Variants in PHACTR1 observed in about 807,000 individuals in gnomAD.
PHACTR1 encodes the protein phosphatase and actin regulator 1, also known as RPEL repeat containing 1.
Under a neutral mutation model 69.2 loss-of-function variants are expected in PHACTR1, and 16 were observed. That is an observed-to-expected ratio of 0.23 (90% CI 0.16 to 0.35). PHACTR1 has a LOEUF of 0.35. PHACTR1 is among the 10% of genes least tolerant of loss of function. The probability of loss-of-function intolerance (pLI) is 1.00; values close to 1 mark genes in which losing one functional copy is unlikely to be tolerated. For missense variants in PHACTR1, 510 were observed against 734.7 expected, an observed-to-expected ratio of 0.69 and a Z score of 3.54; for synonymous variants, 312 against 284.5, an observed-to-expected ratio of 1.10 and a Z score of -0.97.
chr6:13,101,383 G>A lies in PHACTR1; in HGVS notation c.415+47854G>A, dbSNP rs79185100. ...CCAAGACCATTGCACTAGGGATTAA[G>A]TTCCCAACACCTGAACTTTGGGGGA... is the stretch of plus-strand genomic sequence containing the variant. On this transcript the variant is annotated intron_variant, in intron 5 of 14. Transcript: ENST00000332995. 5.9e-5 allele frequency among the ~76,000 whole-genome samples: 9 copies of A among 152,322 alleles called. No homozygotes were observed. The East Asian group carries it at 1.5e-3, about 26-fold the overall frequency.
At chr6:12,846,310 G>A (rs1779258543) in intron 4 of PHACTR1, among the ~76,000 whole-genome samples, 2 of 152,208 alleles carry the variant, frequency 1.3e-5, no homozygotes, top group South Asian at 4.1e-4. Flanking sequence ...TAACTATTCT[G>A]TAAATGGAAA....
chr6:13,089,239 C>T (rs536395210), intron 5 of PHACTR1, among the ~76,000 whole-genome samples: 1 of 152,186 alleles, frequency 6.6e-6, no homozygotes, highest in Non-Finnish European at 1.5e-5. Context: ...GGGACACTTA[C>T]CAGTACATCT....
chr6:12,912,988 C>A (rs752375311), intron 4 of PHACTR1, among the ~76,000 whole-genome samples: 2 of 152,118 alleles, frequency 1.3e-5, no homozygotes, highest in Non-Finnish European at 2.9e-5. Flanking sequence ...CTTTTAAAGC[C>A]ATCATAAATA....
intron 4 of PHACTR1, among the ~76,000 whole-genome samples, chr6:12,768,405 C>T (rs1053272516): frequency 1.3e-4 from 20 of 152,268 alleles, no homozygotes; most frequent in African/African-American, 3.6e-4. Context: ...TGAGCCACCG[C>T]GCCCGGCCCA....
chr6:12,970,754 TCAAACAAACAAG>T (rs972954465), intron 4 of PHACTR1, among the ~76,000 whole-genome samples: 11 of 152,294 alleles, frequency 7.2e-5, no homozygotes, highest in Non-Finnish European at 1.2e-4. Context: ...AGACTCTGTC[TCAAACAAACAAG>T]CAAACAAACA....
intron 4 of PHACTR1, among the ~76,000 whole-genome samples, chr6:12,886,529 A>G (rs1783660553): frequency 7.3e-6 from 1 of 136,932 alleles, no homozygotes; most frequent in African/African-American, 3.1e-5. Context: ...TAATTGAGAC[A>G]AGTAGAGAGA....
At chr6:13,066,710 T>C (rs1032762660) in intron 5 of PHACTR1, among the ~76,000 whole-genome samples, 7 of 152,100 alleles carry the variant, frequency 4.6e-5, no homozygotes, top group African/African-American at 1.4e-4. Flanking sequence ...GTGGATTGCA[T>C]TGGAGTCATC....
chr6:12,767,179 A>G (rs1377854324), intron 4 of PHACTR1, among the ~76,000 whole-genome samples: 1 of 152,050 alleles, frequency 6.6e-6, no homozygotes, highest in African/African-American at 2.4e-5. Context: ...TAATACATTA[A>G]CTCTGTTTGC....
intron 4 of PHACTR1, among the ~76,000 whole-genome samples, chr6:13,039,892 C>T (rs531895186): frequency 5.3e-5 from 8 of 152,098 alleles, no homozygotes; most frequent in Non-Finnish European, 1.2e-4. Flanking sequence ...TACTGATAAT[C>T]TTTTTAACTT....
intron 10 of PHACTR1, among the ~76,000 whole-genome samples, chr6:13,234,646 A>T (rs979660906): frequency 2.0e-5 from 3 of 152,274 alleles, no homozygotes; most frequent in Admixed American, 6.5e-5. Flanking sequence ...GCATTAAGGC[A>T]GAGTTTCTAC....
At chr6:12,752,914 CTTTTAT>C (rs901544890) in intron 4 of PHACTR1, among the ~76,000 whole-genome samples, 10 of 152,158 alleles carry the variant, frequency 6.6e-5, no homozygotes, top group Non-Finnish European at 1.0e-4. Context: ...TGAACCATGA[CTTTTAT>C]TTTTCTAAGA....
At chr6:12,867,869 A>G (rs568613386) in intron 4 of PHACTR1, among the ~76,000 whole-genome samples, 3 of 152,282 alleles carry the variant, frequency 2.0e-5, no homozygotes, top group South Asian at 2.1e-4. Flanking sequence ...GTGGGTAGAC[A>G]TATAAGACAG....
intron 13 of PHACTR1, among the ~76,000 whole-genome samples, chr6:13,284,150 CCT>C (rs1332871405): frequency 2.0e-5 from 3 of 152,120 alleles, no homozygotes; most frequent in East Asian, 1.9e-4. Flanking sequence ...TCAGAATGAA[CCT>C]CTGTTTGGTA....
At chr6:12,926,642 G>A (rs1173438089) in intron 4 of PHACTR1, among the ~76,000 whole-genome samples, 5 of 152,150 alleles carry the variant, frequency 3.3e-5, no homozygotes, top group South Asian at 4.1e-4. Context: ...TGAAGATTCC[G>A]CCTTTGTAGC....
intron 5 of PHACTR1, among the ~76,000 whole-genome samples, chr6:13,063,651 A>C (rs1170523711): frequency 6.6e-6 from 1 of 152,062 alleles, no homozygotes; most frequent in Non-Finnish European, 1.5e-5. Flanking sequence ...GTGATGGCGC[A>C]TGCCTGTAGT....
intron 4 of PHACTR1, among the ~76,000 whole-genome samples, chr6:12,898,865 C>T (rs560122625): frequency 7.2e-5 from 11 of 152,282 alleles, no homozygotes; most frequent in East Asian, 1.9e-4. Flanking sequence ...TCCCCTGCAC[C>T]GCACTGCAGC....
At chr6:13,067,519 T>C (rs1175663073) in intron 5 of PHACTR1, among the ~76,000 whole-genome samples, 1 of 152,026 alleles carries the variant, frequency 6.6e-6, no homozygotes, top group East Asian at 1.9e-4. Flanking sequence ...ATGATACGAG[T>C]CTTTATTGAA....
At chr6:13,161,085 T>A (rs2113546018) in intron 6 of PHACTR1, among the ~76,000 whole-genome samples, 1 of 152,206 alleles carries the variant, frequency 6.6e-6, no homozygotes, top group Non-Finnish European at 1.5e-5. Flanking sequence ...CCTCAAGGGA[T>A]CCTCTCGCCT....
At chr6:12,969,802 A>C (rs1793958453) in intron 4 of PHACTR1, among the ~76,000 whole-genome samples, 1 of 152,114 alleles carries the variant, frequency 6.6e-6, no homozygotes, top group East Asian at 1.9e-4. Context: ...TCTCTACTAA[A>C]AATACAAAAA....
Sources: gnomAD v4.1 joint callset for allele counts (sites outside exome capture counted in the v4.1 genomes callset) on GRCh38, gnomAD v4.1.1 for gene constraint, MANE v1.5 for transcripts, NCBI Gene and HGNC (gene_info 2026-07-23, HGNC 2026-07-21) for gene names.